The following STARD13 variants were observed in gnomAD, a reference collection of about 807,000 sequenced individuals.
STARD13 encodes stAR-related lipid transfer protein 13.
Under a neutral mutation model 106.4 loss-of-function variants are expected in STARD13, and 62 were observed. The ratio of observed to expected loss-of-function variants is 0.58; its 90% CI spans 0.48 to 0.72. STARD13 has a LOEUF of 0.72. STARD13 is among the 30% of genes least tolerant of loss of function. The pLI, the probability that STARD13 is intolerant of heterozygous loss-of-function variation, is 0.00. For synonymous variants in STARD13, 565 were observed against 553.0 expected (o/e 1.02, Z -0.31); for missense variants, 1,387 against 1,424.0 (o/e 0.97, Z 0.42).
chr13:33,497,628 A>T, the STARD13 span, among the ~76,000 whole-genome samples: 1 of 152,134 alleles, frequency 6.6e-6, no homozygotes, highest in African/African-American at 2.4e-5. Flanking sequence ...TGGCCAAATT[A>T]GCTGATTTGT....
At chr13:33,643,056 C>T in the STARD13 span, among the ~76,000 whole-genome samples, 1 of 152,098 alleles carries the variant, frequency 6.6e-6, no homozygotes, top group Non-Finnish European at 1.5e-5. Flanking sequence ...AGCCATACAG[C>T]TTTCTCACAA....
chr13:33,216,571 T>G (rs1888055974), intron 1 of STARD13, among the ~76,000 whole-genome samples: 1 of 151,626 alleles, frequency 6.6e-6, no homozygotes, highest in Non-Finnish European at 1.5e-5. Context: ...GGGGAAAGGG[T>G]GGGAAGGAGG....
intron 1 of STARD13, among the ~76,000 whole-genome samples, chr13:33,315,687 A>G (rs1408878950): frequency 2.6e-5 from 4 of 152,210 alleles, no homozygotes; most frequent in Non-Finnish European, 4.4e-5. Context: ...GTTCAAGAGT[A>G]ACACTAGAGT....
chr13:33,330,761 G>C (rs2077827272), intron 1 of STARD13, among the ~76,000 whole-genome samples: 1 of 152,094 alleles, frequency 6.6e-6, no homozygotes, highest in Non-Finnish European at 1.5e-5. Context: ...CTCTAAACTT[G>C]CAAATCCAAG....
chr13:33,108,989 G>A (rs534482081), intron 12 of STARD13, among the ~76,000 whole-genome samples: 1 of 152,218 alleles, frequency 6.6e-6, no homozygotes, highest in Admixed American at 6.5e-5. Context: ...AAGGTTCCAT[G>A]GGCCAATTCC....
At chr13:33,547,904 A>T in the STARD13 span, among the ~76,000 whole-genome samples, 4 of 152,052 alleles carry the variant, frequency 2.6e-5, no homozygotes, top group Non-Finnish European at 5.9e-5. Flanking sequence ...TAATGAAATA[A>T]AAAGTTTGTT....
chr13:33,260,343 C>G (rs1890579759), intron 1 of STARD13, among the ~76,000 whole-genome samples: 1 of 152,238 alleles, frequency 6.6e-6, no homozygotes, highest in Non-Finnish European at 1.5e-5. Context: ...GGATTTCCAG[C>G]TGGTGGTCTG....
chr13:33,206,900 G>A (rs1291227624), intron 1 of STARD13, among the ~76,000 whole-genome samples: 3 of 152,198 alleles, frequency 2.0e-5, no homozygotes, highest in African/African-American at 7.2e-5. Flanking sequence ...CACAGGATCT[G>A]GATTCGAGTC....
the STARD13 span, among the ~76,000 whole-genome samples, chr13:33,499,761 C>CTTTT: frequency 5.2e-4 from 49 of 94,528 alleles, no homozygotes; most frequent in Non-Finnish European, 7.2e-4. Context: ...CTTCTTCTTT[C>CTTTT]TTTTTTTTTT....
chr13:33,275,530 A>G (rs991293068), intron 1 of STARD13, among the ~76,000 whole-genome samples: 1 of 152,118 alleles, frequency 6.6e-6, no homozygotes, highest in African/African-American at 2.4e-5. Flanking sequence ...ACATTAAGTG[A>G]CTCGTCCAAG....
the STARD13 span, among the ~76,000 whole-genome samples, chr13:33,658,553 C>G: frequency 2.4e-4 from 36 of 152,312 alleles, no homozygotes; most frequent in Admixed American, 1.2e-3. Flanking sequence ...GTTTCTGACT[C>G]TTAGTCTGGA....
chr13:33,264,225 G>C (rs538803262), intron 1 of STARD13, among the ~76,000 whole-genome samples: 1 of 152,218 alleles, frequency 6.6e-6, no homozygotes, highest in Non-Finnish European at 1.5e-5. Flanking sequence ...AGTCATCAAA[G>C]AACAGAGACA....
chr13:33,380,292 G>T, the STARD13 span, among the ~76,000 whole-genome samples: 1 of 151,874 alleles, frequency 6.6e-6, no homozygotes, highest in African/African-American at 2.4e-5. Flanking sequence ...GCGGGCGCCT[G>T]TAGTCCCAGC....
Position 33,129,672 on chromosome 13 carries a change from C to T in STARD13, c.1005G>A (p.Pro335=), listed in dbSNP as rs746182456. The part of the protein sequence containing the change: ...CSGKSSGESS[P]SEHSSSGVST... ...TCACCCCGCTGCTGCTGTGCTCCGACGGGCTGCTCTCGCCACTCGACTTGC... is the reference window on the plus strand; with the variant it reads ...TCACCCCGCTGCTGCTGTGCTCCGATGGGCTGCTCTCGCCACTCGACTTGC... The change falls in exon 5 of 14, where the codon CCG becomes CCA. Residue 335 remains proline (P), a synonymous_variant. Transcript: ENST00000336934. 222 of 1,614,018 alleles carry T rather than the reference C, an allele frequency of 1.4e-4. No individual in the cohort carries two copies. The highest frequency in any genetic ancestry group is 4.0e-4 in the Admixed American group (24 of 60,026).
the STARD13 span, among the ~76,000 whole-genome samples, chr13:33,495,701 C>T: frequency 1.6e-3 from 241 of 151,402 alleles, no homozygotes; most frequent in African/African-American, 5.4e-3. Context: ...TTTTCCATGC[C>T]TCTTTTATAA....
At chr13:33,640,428 G>A in the STARD13 span, among the ~76,000 whole-genome samples, 6 of 152,266 alleles carry the variant, frequency 3.9e-5, no homozygotes, top group African/African-American at 1.4e-4. Context: ...GAGGAAAATA[G>A]CAAGGACTGT....
chr13:33,497,746 T>C, the STARD13 span, among the ~76,000 whole-genome samples: 1 of 152,190 alleles, frequency 6.6e-6, no homozygotes. Flanking sequence ...CTATTGTGTC[T>C]TCTCATAGGT....
chr13:33,179,319 C>G (rs1885007734), intron 1 of STARD13, among the ~76,000 whole-genome samples: 1 of 152,172 alleles, frequency 6.6e-6, no homozygotes, highest in Non-Finnish European at 1.5e-5. Flanking sequence ...TAGGTTAATT[C>G]TAGCATACCT....
intron 1 of STARD13, among the ~76,000 whole-genome samples, chr13:33,244,749 A>C (rs1302179536): frequency 6.6e-6 from 1 of 152,210 alleles, no homozygotes; most frequent in Non-Finnish European, 1.5e-5. Flanking sequence ...TGAGGGAGAC[A>C]CTATTAGGCC....
Sources: allele counts gnomAD v4.1 joint callset (sites outside exome capture counted in the v4.1 genomes callset), GRCh38; gene constraint gnomAD v4.1.1; transcripts MANE v1.5; gene names NCBI Gene and HGNC (gene_info 2026-07-23, HGNC 2026-07-21).